MEIS2: variants seen among roughly 807,000 people sequenced by gnomAD.
The protein encoded by MEIS2 is Meis homeobox 2.
A neutral mutation model predicts 58.6 loss-of-function variants in MEIS2; 9 were observed. That is an observed-to-expected ratio of 0.15 (90% CI 0.09 to 0.27). MEIS2 has a LOEUF of 0.27. MEIS2 is among the 10% of genes least tolerant of loss of function. The probability of loss-of-function intolerance (pLI) is 1.00; values close to 1 mark genes in which losing one functional copy is unlikely to be tolerated. For missense variants in MEIS2, 427 were observed against 635.0 expected (o/e 0.67, Z 3.52); for synonymous variants, 221 against 228.4 (o/e 0.97, Z 0.29).
Position 36,889,486 on chromosome 15 carries a change from A to T in MEIS2, c.*2687T>A, listed in dbSNP as rs1432426509. On this transcript the variant is annotated 3_prime_UTR_variant, in exon 12 of 12. Coordinates refer to ENST00000561208, the MANE Select transcript of MEIS2 (RefSeq NM_170675.5). Reference sequence around the variant, plus strand: ...GCAAGGTAATGCAAACAAATATTACAATTATCATTCATCTCCAAATATTTA... The same window carrying T: ...GCAAGGTAATGCAAACAAATATTACTATTATCATTCATCTCCAAATATTTA... 6.6e-6 allele frequency: 1 copy of T among 152,226 alleles called. No individual in the cohort carries two copies. The highest frequency in any genetic ancestry group is 1.5e-5 in the Non-Finnish European group (1 of 68,038). 9.4% of individuals were successfully genotyped at this position (152,226 alleles called of 1,614,324 possible).
intron 8 of MEIS2, among the ~76,000 whole-genome samples, chr15:36,978,086 C>G (rs1347709181): frequency 6.6e-6 from 1 of 152,136 alleles, no homozygotes; most frequent in Non-Finnish European, 1.5e-5. Flanking sequence ...TTAAATGTAC[C>G]TCCTCTGCAT....
rs554651344 is a variant in MEIS2 at position 37,083,937 on chromosome 15, A to G, written c.640-52T>C. ...TCCACAGTTACCATTTCAGCCATCA[A>G]TGAAGAACCAAAAGGAACGGCACAG... On this transcript the variant is annotated intron_variant, in intron 6 of 11. Transcript: ENST00000561208. The G allele has an allele frequency of 5.4e-5, 82 of 1,526,186 alleles. 1 individual carries two copies. In the South Asian group the frequency reaches 8.3e-4, roughly 16 times the overall value. The allele number at this position is 1,526,186 out of a possible 1,614,324, so 94.5% of individuals were successfully genotyped here.
chr15:36,997,991 C>T (rs2060586434), intron 8 of MEIS2, among the ~76,000 whole-genome samples: 1 of 152,158 alleles, frequency 6.6e-6, no homozygotes, highest in Non-Finnish European at 1.5e-5. Context: ...AGAGCAAGCC[C>T]AGTTGCTTTC....
intron 9 of MEIS2, among the ~76,000 whole-genome samples, chr15:36,940,239 G>A (rs1490331405): frequency 6.6e-6 from 1 of 152,080 alleles, no homozygotes; most frequent in Non-Finnish European, 1.5e-5. Flanking sequence ...ATAGTCTTGC[G>A]GGAGGCAAGT....
chr15:36,991,262 T>C (rs879722099), intron 8 of MEIS2, among the ~76,000 whole-genome samples: 180 of 152,290 alleles, frequency 1.2e-3, no homozygotes, highest in Non-Finnish European at 1.9e-3. Context: ...TCTCTTTTTT[T>C]TTTTTGTGCA....
At chr15:36,906,518 T>G (rs1465373846) in intron 9 of MEIS2, among the ~76,000 whole-genome samples, 1 of 151,910 alleles carries the variant, frequency 6.6e-6, no homozygotes, top group East Asian at 1.9e-4. Context: ...TTACGGTGTA[T>G]AGTTGATGAA....
chr15:37,080,723 G>A (rs1892095680), intron 7 of MEIS2, among the ~76,000 whole-genome samples: 1 of 152,150 alleles, frequency 6.6e-6, no homozygotes. Flanking sequence ...TCCGTCTAAT[G>A]TGACTAACAA....
chr15:37,089,574 T>C (rs916302592), intron 6 of MEIS2, among the ~76,000 whole-genome samples: 1 of 152,196 alleles, frequency 6.6e-6, no homozygotes, highest in Admixed American at 6.5e-5. Flanking sequence ...TTTTCTTTTC[T>C]TAGTGGTGTT....
At chr15:36,916,198 T>A (rs911270445) in intron 9 of MEIS2, among the ~76,000 whole-genome samples, 1 of 151,486 alleles carries the variant, frequency 6.6e-6, no homozygotes, top group African/African-American at 2.4e-5. Flanking sequence ...AAGGCAAAGG[T>A]GTGTGGATCA....
intron 8 of MEIS2, among the ~76,000 whole-genome samples, chr15:36,966,064 T>C (rs1306757268): frequency 1.3e-5 from 2 of 152,174 alleles, no homozygotes; most frequent in South Asian, 4.1e-4. Flanking sequence ...CTAATTTCAA[T>C]AGATTCCAAG....
chr15:37,098,350 AGAG>A (rs1263335760), intron 1 of MEIS2, 151 bp from the exon 2 acceptor site: 68 of 1,148,446 alleles, frequency 5.9e-5, no homozygotes, highest in Non-Finnish European at 6.7e-5. Context: ...AAGAGAGAAG[AGAG>A]GAGGAGGAGG....
intron 9 of MEIS2, among the ~76,000 whole-genome samples, chr15:36,902,081 T>C (rs983236849): frequency 2.0e-5 from 3 of 152,210 alleles, no homozygotes; most frequent in African/African-American, 7.2e-5. Flanking sequence ...TAACTGGGCC[T>C]GGGTGGTTTT....
chr15:37,044,667 A>G (rs1006362243), intron 7 of MEIS2, among the ~76,000 whole-genome samples: 3 of 152,144 alleles, frequency 2.0e-5, no homozygotes, highest in Non-Finnish European at 4.4e-5. Flanking sequence ...CTTAGTGAAA[A>G]AGGAATCTCC....
chr15:37,098,495 C>A, intron 1 of MEIS2: 1 of 767,550 alleles, frequency 1.3e-6, no homozygotes, highest in Non-Finnish European at 1.7e-6. Context: ...AGAAACCAAA[C>A]CAGCCAAAAC....
At chr15:37,101,009 C>G (rs896044554), upstream of MEIS2, 1 of 152,044 alleles carries the variant, frequency 6.6e-6, no homozygotes, top group Non-Finnish European at 1.5e-5. Flanking sequence ...CTCCTCTGCC[C>G]GCCGATTACA....
rs2061019535 is a variant in MEIS2 at position 37,008,896 on chromosome 15, A to G, written c.900+27918T>C. Among the ~76,000 whole-genome samples, 4 of 152,224 alleles carry G rather than the reference A, an allele frequency of 2.6e-5. No homozygotes were observed. In the South Asian group the frequency reaches 8.3e-4, roughly 32 times the overall value. ...TGAGAATAAAGCAGAATGGAACCCTAAACCAGTAAACATATCTCCCCCCTC... is the reference window on the plus strand; with the variant it reads ...TGAGAATAAAGCAGAATGGAACCCTGAACCAGTAAACATATCTCCCCCCTC... On this transcript the variant is annotated intron_variant, in intron 8 of 11. Transcript: ENST00000561208.
intron 9 of MEIS2, among the ~76,000 whole-genome samples, chr15:36,948,080 T>A (rs2058634140): frequency 6.6e-6 from 1 of 151,934 alleles, no homozygotes; most frequent in Non-Finnish European, 1.5e-5. Flanking sequence ...AGCCGTTAAC[T>A]AAGACTTGGA....
chr15:36,942,883 T>G (rs2058425117), intron 9 of MEIS2, among the ~76,000 whole-genome samples: 1 of 152,096 alleles, frequency 6.6e-6, no homozygotes, highest in African/African-American at 2.4e-5. Flanking sequence ...GTAAACAATA[T>G]GATATTGGTA....
intron 9 of MEIS2, among the ~76,000 whole-genome samples, chr15:36,946,124 T>C (rs976540623): frequency 2.0e-5 from 3 of 151,968 alleles, no homozygotes; most frequent in East Asian, 3.9e-4. Flanking sequence ...TAATTTTCCT[T>C]TGTAATTTTA....
Sources: allele counts gnomAD v4.1 joint callset (sites outside exome capture counted in the v4.1 genomes callset), GRCh38; gene constraint gnomAD v4.1.1; transcripts MANE v1.5; gene names NCBI Gene and HGNC (gene_info 2026-07-23, HGNC 2026-07-21).